UNC5C: variants seen among roughly 807,000 people sequenced by gnomAD.
The protein encoded by UNC5C is netrin receptor UNC5C.
In UNC5C, 47 loss-of-function variants were observed where a neutral mutation model predicts 99.8. The ratio of observed to expected loss-of-function variants is 0.47; its 90% CI spans 0.37 to 0.60. The LOEUF is 0.60. Ranked by LOEUF, UNC5C falls within the 20% of genes least tolerant of loss-of-function variation. The pLI is 0.00. For synonymous variants in UNC5C, 487 were observed against 452.2 expected, an observed-to-expected ratio of 1.08 and a Z score of -0.98; for missense variants, 1,062 against 1,165.9, an observed-to-expected ratio of 0.91 and a Z score of 1.30.
intron 4 of UNC5C, among the ~76,000 whole-genome samples, chr4:95,258,454 G>A (rs1339937791): frequency 6.6e-6 from 1 of 152,108 alleles, no homozygotes; most frequent in African/African-American, 2.4e-5. Context: ...AGAAAAACAG[G>A]TTGGAGTTCA....
chr4:95,489,360 GC>G (rs1242601607), intron 1 of UNC5C, among the ~76,000 whole-genome samples: 7 of 151,660 alleles, frequency 4.6e-5, no homozygotes, highest in Non-Finnish European at 7.4e-5. Context: ...GATAGTGATT[GC>G]GGCAGAAGAT....
chr4:95,537,563 T>C (rs949418177), intron 1 of UNC5C, among the ~76,000 whole-genome samples: 1 of 152,170 alleles, frequency 6.6e-6, no homozygotes, highest in African/African-American at 2.4e-5. Context: ...CTTTGGATAC[T>C]AGTGTAAATT....
At chr4:95,315,736 A>G (rs957269034) in intron 2 of UNC5C, among the ~76,000 whole-genome samples, 1 of 152,224 alleles carries the variant, frequency 6.6e-6, no homozygotes, top group Non-Finnish European at 1.5e-5. Context: ...AATAAAGATG[A>G]TGACATTTGC....
rs752442826 is a variant in UNC5C, at chr4:95,170,153, C to G, written c.2630+1G>C. On this transcript the variant is annotated splice_donor_variant, in intron 15 of 15. Transcript: ENST00000453304. LOFTEE classifies it high-confidence loss of function. ...TAGTCTTGGGGCCAGACCATACCCA[C>G]CTGTCCAGGTTCAGCTTATGGGCCA... 1 of 1,613,792 alleles carries G rather than the reference C, an allele frequency of 6.2e-7. No individual in the cohort carries two copies. Among genetic ancestry groups the G allele is most frequent in the East Asian group, 2.2e-5 (1 of 44,866 alleles).
At chr4:95,495,124 T>C (rs1721596533) in intron 1 of UNC5C, among the ~76,000 whole-genome samples, 1 of 151,616 alleles carries the variant, frequency 6.6e-6, no homozygotes, top group South Asian at 2.1e-4. Flanking sequence ...CATATCTACA[T>C]TAATTTTTCT....
At chr4:95,195,986 T>C (rs1323388513) in intron 12 of UNC5C, among the ~76,000 whole-genome samples, 3 of 152,140 alleles carry the variant, frequency 2.0e-5, no homozygotes, top group Admixed American at 6.5e-5. Context: ...ATAAATATCA[T>C]ACACTGCCCA....
intron 4 of UNC5C, among the ~76,000 whole-genome samples, chr4:95,261,538 G>A (rs778412632): frequency 2.6e-5 from 4 of 152,062 alleles, no homozygotes; most frequent in Non-Finnish European, 5.9e-5. Flanking sequence ...CTAAAACATG[G>A]CATATAAATA....
At chr4:95,483,616 T>G (rs1313049714) in intron 1 of UNC5C, among the ~76,000 whole-genome samples, 2 of 151,794 alleles carry the variant, frequency 1.3e-5, no homozygotes, top group Admixed American at 1.3e-4. Context: ...TCTCATTAAT[T>G]CAATTTGACT....
At chr4:95,396,342 G>A (rs1248172771) in intron 1 of UNC5C, among the ~76,000 whole-genome samples, 1 of 152,162 alleles carries the variant, frequency 6.6e-6, no homozygotes, top group Non-Finnish European at 1.5e-5. Flanking sequence ...AAGGGTCCTT[G>A]GAAAATTTAC....
intron 11 of UNC5C, among the ~76,000 whole-genome samples, chr4:95,204,432 C>T (rs1045640489): frequency 1.3e-5 from 2 of 152,150 alleles, no homozygotes; most frequent in East Asian, 3.9e-4. Flanking sequence ...GAGACTGTGG[C>T]GAACCAGAGT....
chr4:95,222,332 G>T, intron 7 of UNC5C: 3 of 895,656 alleles, frequency 3.3e-6, no homozygotes, highest in Admixed American at 3.5e-5. Context: ...AAAGAAAATA[G>T]GAAGCATGAA....
chr4:95,469,018 G>A (rs1289689737), intron 1 of UNC5C, among the ~76,000 whole-genome samples: 1 of 152,044 alleles, frequency 6.6e-6, no homozygotes, highest in Non-Finnish European at 1.5e-5. Flanking sequence ...CAAGGATCAG[G>A]GGTTAACTGC....
chr4:95,242,663 A>T, intron 6 of UNC5C, 70 bp from the exon 7 acceptor site: 1 of 1,431,964 alleles, frequency 7.0e-7, no homozygotes. Flanking sequence ...GCAGAGCTCA[A>T]ATATAATACA....
intron 7 of UNC5C, among the ~76,000 whole-genome samples, chr4:95,221,866 A>G (rs1365553639): frequency 6.6e-6 from 1 of 152,174 alleles, no homozygotes; most frequent in Non-Finnish European, 1.5e-5. Flanking sequence ...TACTTATTCA[A>G]CATTCATGAT....
intron 2 of UNC5C, among the ~76,000 whole-genome samples, chr4:95,315,346 T>A (rs1233605882): frequency 4.6e-5 from 7 of 152,220 alleles, no homozygotes; most frequent in Non-Finnish European, 8.8e-5. Flanking sequence ...CAGCTCTTCC[T>A]GCCTTAGTCA....
chr4:95,301,840 C>T (rs962317488), intron 2 of UNC5C, 91 bp from the exon 3 acceptor site: 1 of 1,464,108 alleles, frequency 6.8e-7, no homozygotes, highest in Non-Finnish European at 9.2e-7. Flanking sequence ...CCAGTCATCC[C>T]TTTTGATGCC....
intron 7 of UNC5C, among the ~76,000 whole-genome samples, chr4:95,234,448 A>G (rs1739031569): frequency 6.6e-6 from 1 of 152,044 alleles, no homozygotes; most frequent in Non-Finnish European, 1.5e-5. Context: ...ACATATGTAT[A>G]CATGTGCCAC....
chr4:95,490,684 C>T (rs1234127266), intron 1 of UNC5C, among the ~76,000 whole-genome samples: 1 of 151,696 alleles, frequency 6.6e-6, no homozygotes, highest in Non-Finnish European at 1.5e-5. Context: ...TTTCTGAATA[C>T]ATTTAACTCT....
intron 1 of UNC5C, among the ~76,000 whole-genome samples, chr4:95,510,382 G>A (rs1722038400): frequency 6.6e-6 from 1 of 151,974 alleles, no homozygotes. Flanking sequence ...ATACGTGAAT[G>A]ACTATAGCTG....
Sources: allele counts gnomAD v4.1 joint callset (sites outside exome capture counted in the v4.1 genomes callset), GRCh38; gene constraint gnomAD v4.1.1; transcripts MANE v1.5; gene names NCBI Gene and HGNC (gene_info 2026-07-23, HGNC 2026-07-21).